The following BCL2L13 variants were observed in gnomAD, a reference collection of about 807,000 sequenced individuals.
BCL2L13 encodes the protein BCL2 like 13.
A neutral mutation model predicts 25.8 loss-of-function variants in BCL2L13; 13 were observed. The observed-to-expected ratio is 0.50, with a 90% CI of 0.33 to 0.80. The LOEUF (loss-of-function observed/expected upper bound fraction) is 0.80, where lower values mean the gene tolerates loss of function less well. Among genes scored for constraint, BCL2L13 ranks in the 30% least tolerant of loss-of-function variants. BCL2L13 has a pLI of 0.02. For missense variants in BCL2L13, 504 were observed against 574.9 expected, an observed-to-expected ratio of 0.88 and a Z score of 1.26; for synonymous variants, 244 against 230.3, an observed-to-expected ratio of 1.06 and a Z score of -0.54.
chr22:17,694,056 C>A, intron 4 of BCL2L13, among the ~76,000 whole-genome samples: 1 of 152,082 alleles, frequency 6.6e-6, no homozygotes, highest in East Asian at 1.9e-4. Context: ...CTGCACCCAG[C>A]CCATTCTTTC....
chr22:17,709,488 G>A (rs994200172), intron 6 of BCL2L13, among the ~76,000 whole-genome samples: 4 of 151,964 alleles, frequency 2.6e-5, no homozygotes, highest in Admixed American at 6.6e-5. Flanking sequence ...CCAGCAACTC[G>A]GGAGGCTGAG....
chr22:17,702,409 A>T, intron 6 of BCL2L13, 23 bp downstream of exon 6: 1 of 1,505,456 alleles, frequency 6.6e-7, no homozygotes, highest in Non-Finnish European at 8.8e-7. Context: ...ATATATTAAA[A>T]ATATTTTCTT....
chr22:17,651,166 A>G (rs915576738), intron 1 of BCL2L13, among the ~76,000 whole-genome samples: 1 of 151,332 alleles, frequency 6.6e-6, no homozygotes, highest in Non-Finnish European at 1.5e-5. Context: ...TGCCCAGCTA[A>G]TTTTTGTATT....
chr22:17,637,948 T>G (rs567812624), upstream of BCL2L13, among the ~76,000 whole-genome samples: 168 of 152,262 alleles, frequency 1.1e-3, no homozygotes, highest in African/African-American at 3.8e-3. Flanking sequence ...AGAAACTCTG[T>G]ATCCACTGGC....
rs139052449 is a variant in BCL2L13, at chr22:17,638,979, G to A, written c.-51+93G>A. 8.2e-4 allele frequency: 847 copies of A among 1,038,128 alleles called. 2 individuals carry two copies. In the African/African-American group the frequency reaches 0.013, roughly 16 times the overall value. 64.3% of individuals were successfully genotyped at this position (1,038,128 alleles called of 1,614,324 possible). On this transcript the variant is annotated intron_variant, in intron 1 of 6. Transcript: ENST00000317582. ...TGCCCAGAGACCGTATCGAGCCACC[G>A]ACTCCCCAGTGGTTCCGACGACGCG... is the stretch of plus-strand genomic sequence containing the variant.
At chr22:17,722,362 T>G (rs950495056) in intron 6 of BCL2L13, among the ~76,000 whole-genome samples, 3 of 146,800 alleles carry the variant, frequency 2.0e-5, no homozygotes, top group African/African-American at 7.8e-5. Context: ...CTGAGTTGAG[T>G]AGATGAGACT....
chr22:17,630,991 T>G (rs981281921), intron 1 of BCL2L13, among the ~76,000 whole-genome samples: 2 of 152,168 alleles, frequency 1.3e-5, no homozygotes, highest in Admixed American at 1.3e-4. Flanking sequence ...GGTCACTTAC[T>G]GCATTAGTGA....
At chr22:17,681,113 G>A (rs1266317518) in intron 2 of BCL2L13, among the ~76,000 whole-genome samples, 1 of 152,142 alleles carries the variant, frequency 6.6e-6, no homozygotes, top group Non-Finnish European at 1.5e-5. Context: ...CATTAAGTCA[G>A]GTTACCCAAT....
At chr22:17,653,856 TA>T (rs1446098907) in intron 1 of BCL2L13, among the ~76,000 whole-genome samples, 2 of 137,974 alleles carry the variant, frequency 1.4e-5, no homozygotes, top group East Asian at 4.5e-4. Flanking sequence ...TTTCTATTTT[TA>T]AAAATTGTTT....
At chr22:17,638,356 A>G (rs2058149179), upstream of BCL2L13, 1 of 222,456 alleles carries the variant, frequency 4.5e-6, no homozygotes, top group African/African-American at 2.3e-5. Context: ...TGCCCCAACT[A>G]GTGGCGAACA....
At chr22:17,631,670 G>GTGTATT (rs1203626385) in intron 1 of BCL2L13, among the ~76,000 whole-genome samples, 3 of 26,886 alleles carry the variant, frequency 1.1e-4, no homozygotes, top group Non-Finnish European at 2.1e-4. Flanking sequence ...GTGTGTGTGT[G>GTGTATT]TATATATATA....
At chr22:17,683,879 T>TTAC in intron 3 of BCL2L13, among the ~76,000 whole-genome samples, 2 of 148,460 alleles carry the variant, frequency 1.3e-5, no homozygotes, top group East Asian at 2.0e-4. Flanking sequence ...ATTATTATTA[T>TTAC]TATTACTATT....
At chr22:17,660,186 A>C (rs1392812992) in intron 2 of BCL2L13, among the ~76,000 whole-genome samples, 1 of 146,574 alleles carries the variant, frequency 6.8e-6, no homozygotes, top group African/African-American at 2.4e-5. Context: ...GGAACTGTTA[A>C]GTGAAGATCC....
At chr22:17,723,464 A>AT (rs1338668733) in intron 6 of BCL2L13, among the ~76,000 whole-genome samples, 1 of 152,174 alleles carries the variant, frequency 6.6e-6, no homozygotes. Context: ...TATTGTTTCC[A>AT]TTTGTTTTCA....
chr22:17,669,789 A>G (rs2059358164), intron 2 of BCL2L13, among the ~76,000 whole-genome samples: 1 of 152,214 alleles, frequency 6.6e-6, no homozygotes, highest in Non-Finnish European at 1.5e-5. Context: ...TGGAGCTCAC[A>G]CATTAGCATG....
intron 6 of BCL2L13, among the ~76,000 whole-genome samples, chr22:17,722,779 A>G (rs2061183176): frequency 6.6e-6 from 1 of 152,218 alleles, no homozygotes; most frequent in African/African-American, 2.4e-5. Flanking sequence ...CAAAGGGTTA[A>G]TCTGGGAATA....
chr22:17,699,923 G>T (rs1446417340), intron 5 of BCL2L13, among the ~76,000 whole-genome samples: 1 of 151,916 alleles, frequency 6.6e-6, no homozygotes, highest in African/African-American at 2.4e-5. Context: ...CAATCTAAAC[G>T]GTACAGTGGC....
rs1269551970 is a variant in BCL2L13, at chr22:17,728,723, C to T, written c.*1189C>T. 6.6e-6 allele frequency: 1 copy of T among 152,188 alleles called. No individual in the cohort carries two copies. The highest frequency in any genetic ancestry group is 1.5e-5 in the Non-Finnish European group (1 of 68,020). The allele number at this position is 152,188 out of a possible 1,614,324, so 9.4% of individuals were successfully genotyped here. Reference sequence around the variant, plus strand: ...TGAAATAAAAAGTAGGAAAAAGAAGCTTGAATTTTAAGACTGAGGCTGCTC... The same window carrying T: ...TGAAATAAAAAGTAGGAAAAAGAAGTTTGAATTTTAAGACTGAGGCTGCTC... On this transcript the variant is annotated 3_prime_UTR_variant, in exon 7 of 7. Transcript: ENST00000317582.
chr22:17,690,501 G>A (rs1344521753), intron 4 of BCL2L13, among the ~76,000 whole-genome samples: 1 of 152,118 alleles, frequency 6.6e-6, no homozygotes, highest in Non-Finnish European at 1.5e-5. Context: ...ATCGTATTTG[G>A]TAATCTCAGT....
Sources: allele counts gnomAD v4.1 joint callset (sites outside exome capture counted in the v4.1 genomes callset), GRCh38; gene constraint gnomAD v4.1.1; transcripts MANE v1.5; gene names NCBI Gene and HGNC (gene_info 2026-07-23, HGNC 2026-07-21).